Variants in CRB1 observed in about 807,000 individuals in gnomAD.
CRB1 encodes the protein crumbs cell polarity complex component 1.
A neutral mutation model predicts 120.0 loss-of-function variants in CRB1; 83 were observed. That is an observed-to-expected ratio of 0.69 (90% confidence interval 0.58 to 0.83). The LOEUF is 0.83. Among genes scored for constraint, CRB1 ranks in the 40% least tolerant of loss-of-function variants. The pLI is 0.00. For synonymous variants in CRB1, 625 were observed against 612.5 expected (o/e 1.02, Z -0.30); for missense variants, 1,699 against 1,687.6 (o/e 1.01, Z -0.12).
In CRB1 at chr1:197,435,099, A is replaced by G; in HGVS notation, c.3236A>G (p.Asp1079Gly). 6.2e-7 allele frequency: 1 copy of G among 1,613,952 alleles called. No homozygotes were observed. The highest frequency in any genetic ancestry group is 8.5e-7 in the Non-Finnish European group (1 of 1,179,890). The change falls in exon 9 of 12, where the codon GAT becomes GGT. Residue 1079 changes from aspartate to glycine, a missense_variant. Physicochemically the swap from Asp to Gly is moderately conservative, Grantham distance 94 (BLOSUM62 -1). Transcript: ENST00000367400. ...GSLNFLKDNT[D>G]IYVGDRAIDN... ...CTCAACTTTTTGAAGGATAATACAG[A>G]TATTTATGTGGGAGACAGAGCTATT... is the stretch of plus-strand genomic sequence containing the variant.
chr1:197,349,796 A>G (rs1659985009), intron 4 of CRB1, among the ~76,000 whole-genome samples: 1 of 152,198 alleles, frequency 6.6e-6, no homozygotes, highest in Non-Finnish European at 1.5e-5. Context: ...TTGGTCATCA[A>G]CTTGACTTAA....
chr1:197,290,559 T>C (rs201961772), intron 1 of CRB1, among the ~76,000 whole-genome samples: 1 of 151,812 alleles, frequency 6.6e-6, no homozygotes, highest in South Asian at 2.1e-4. Context: ...GATCCGTTTT[T>C]TCTTCTTCTC....
intron 10 of CRB1, chr1:197,439,484 G>A (rs4382756): frequency 0.98 from 149,181 of 152,304 alleles, 73,140 homozygotes; most frequent in East Asian, 1. Context: ...GTTGAGTGAC[G>A]TATAAAGGGC....
chr1:197,469,361 GAGGAAATAAA>G (rs1490832543), intron 11 of CRB1, among the ~76,000 whole-genome samples: 2 of 152,172 alleles, frequency 1.3e-5, no homozygotes, highest in Admixed American at 6.5e-5. Flanking sequence ...GTAGATTCTG[GAGGAAATAAA>G]AGTGTGTAGA....
intron 2 of CRB1, among the ~76,000 whole-genome samples, chr1:197,339,497 T>C (rs1419497433): frequency 2.0e-5 from 3 of 152,156 alleles, no homozygotes; most frequent in Non-Finnish European, 2.9e-5. Context: ...ATACATTGAA[T>C]GGAATTTGAA....
chr1:197,301,411 C>T (rs1449753113), intron 1 of CRB1, among the ~76,000 whole-genome samples: 2 of 152,116 alleles, frequency 1.3e-5, no homozygotes, highest in African/African-American at 2.4e-5. Flanking sequence ...GGTGATCCAC[C>T]TGCCTCAACC....
chr1:197,421,068 A>G lies in CRB1; in HGVS notation c.1240A>G (p.Asn414Asp). Residue 414 changes from asparagine to aspartate, a missense_variant, in exon 6 of 12, where the codon AAC (asparagine) becomes GAC (aspartate). Asn to Asp is a conservative substitution (Grantham distance 23, BLOSUM62 1). Transcript: ENST00000367400. Reference protein sequence around the residue: ...NPCQNGGTCENLPGNYTCHCP... With the variant: ...NPCQNGGTCEDLPGNYTCHCP... ...TTGCCAAAATGGTGGTACTTGTGAG[A>G]ACTTGCCTGGGAATTATACTTGCCA... is the stretch of plus-strand genomic sequence containing the variant. 1.2e-6 allele frequency: 2 copies of G among 1,614,206 alleles called. No homozygotes were observed. Among genetic ancestry groups the G allele is most frequent in the Non-Finnish European group, 1.7e-6 (2 of 1,180,042 alleles).
chr1:197,234,608 A>G, the CRB1 span, among the ~76,000 whole-genome samples: 1 of 152,262 alleles, frequency 6.6e-6, no homozygotes, highest in South Asian at 2.1e-4. Context: ...ACAGTTGAAG[A>G]GGCACTGAAG....
chr1:197,239,973 T>G, the CRB1 span, among the ~76,000 whole-genome samples: 1 of 151,416 alleles, frequency 6.6e-6, no homozygotes, highest in East Asian at 1.9e-4. Context: ...ATGAAGTGTA[T>G]AAACCTTACC....
chr1:197,429,739 C>G (rs1220562094), intron 8 of CRB1, 125 bp downstream of exon 8: 2 of 1,028,650 alleles, frequency 1.9e-6, no homozygotes, highest in East Asian at 5.2e-5. Context: ...GTTGTTTCCC[C>G]TATGCGAGTA....
intron 1 of CRB1, among the ~76,000 whole-genome samples, chr1:197,280,767 AGAT>A (rs1401952460): frequency 2.6e-5 from 4 of 152,004 alleles, no homozygotes; most frequent in African/African-American, 9.6e-5. Context: ...TTTTTCTAGT[AGAT>A]ATTTCACTGT....
the CRB1 span, chr1:197,223,082 C>G: frequency 5.0e-6 from 4 of 793,058 alleles, no homozygotes; most frequent in African/African-American, 6.8e-5. Flanking sequence ...CCCAGCAAGT[C>G]CCTATAACCT....
chr1:197,253,751 T>C, the CRB1 span, among the ~76,000 whole-genome samples: 1 of 152,140 alleles, frequency 6.6e-6, no homozygotes, highest in African/African-American at 2.4e-5. Flanking sequence ...AAAATTTCTT[T>C]GTTTTGAATT....
At chr1:197,330,297 T>A (rs1455964387) in intron 2 of CRB1, among the ~76,000 whole-genome samples, 1 of 152,174 alleles carries the variant, frequency 6.6e-6, no homozygotes, top group Non-Finnish European at 1.5e-5. Context: ...CTACACAACC[T>A]CCCAGACGTT....
intron 5 of CRB1, among the ~76,000 whole-genome samples, chr1:197,418,299 A>G (rs1664108924): frequency 6.6e-6 from 1 of 152,186 alleles, no homozygotes; most frequent in African/African-American, 2.4e-5. Flanking sequence ...CCCCTTTAGA[A>G]TATACTGTAG....
At chr1:197,350,657 AT>A (rs1660046903) in intron 4 of CRB1, among the ~76,000 whole-genome samples, 1 of 152,242 alleles carries the variant, frequency 6.6e-6, no homozygotes, top group Admixed American at 6.5e-5. Context: ...ATATAGTACA[AT>A]TTTTGGTACA....
chr1:197,297,407 T>C (rs1035346704), intron 1 of CRB1, among the ~76,000 whole-genome samples: 2 of 152,214 alleles, frequency 1.3e-5, no homozygotes, highest in African/African-American at 4.8e-5. Context: ...GGATCCACGA[T>C]GAACCTGAGG....
At chr1:197,429,183 C>T in intron 7 of CRB1, 1 of 1,518,554 alleles carries the variant, frequency 6.6e-7, no homozygotes, top group Non-Finnish European at 8.8e-7. Context: ...ACAGAGGACA[C>T]TGCTATACTT....
At chr1:197,231,921 G>C in the CRB1 span, among the ~76,000 whole-genome samples, 1 of 152,154 alleles carries the variant, frequency 6.6e-6, no homozygotes, top group Non-Finnish European at 1.5e-5. Context: ...CTCGGAACCT[G>C]TGAATGTGTA....
Sources: gnomAD v4.1 joint callset for allele counts (sites outside exome capture counted in the v4.1 genomes callset) on GRCh38, gnomAD v4.1.1 for gene constraint, MANE v1.5 for transcripts, NCBI Gene and HGNC (gene_info 2026-07-23, HGNC 2026-07-21) for gene names.